The following MAP7 variants were observed in gnomAD, a reference collection of about 807,000 sequenced individuals.
MAP7 encodes ensconsin.
In MAP7, 52 loss-of-function variants were observed where a neutral mutation model predicts 94.8. The ratio of observed to expected loss-of-function variants is 0.55; its 90% CI spans 0.44 to 0.69. The LOEUF (loss-of-function observed/expected upper bound fraction) is 0.69, where lower values mean the gene tolerates loss of function less well. Among genes scored for constraint, MAP7 ranks in the 30% least tolerant of loss-of-function variants. The probability of loss-of-function intolerance (pLI) is 0.00; values close to 1 mark genes in which losing one functional copy is unlikely to be tolerated. For synonymous variants in MAP7, 350 were observed against 357.0 expected (o/e 0.98, Z 0.22); for missense variants, 940 against 964.6 (o/e 0.97, Z 0.34).
intron 1 of MAP7, among the ~76,000 whole-genome samples, chr6:136,447,791 AC>A (rs1484462654): frequency 6.6e-6 from 1 of 152,226 alleles, no homozygotes; most frequent in Non-Finnish European, 1.5e-5. Flanking sequence ...CTTTCACATG[AC>A]ATTGTGCTGC....
intron 1 of MAP7, among the ~76,000 whole-genome samples, chr6:136,427,791 T>A (rs1441082731): frequency 6.6e-6 from 1 of 152,226 alleles, no homozygotes; most frequent in African/African-American, 2.4e-5. Flanking sequence ...GTGGCTATGG[T>A]AGACTTCAGC....
At chr6:136,387,798 C>T (rs531263085) in intron 5 of MAP7, among the ~76,000 whole-genome samples, 1 of 152,054 alleles carries the variant, frequency 6.6e-6, no homozygotes, top group Non-Finnish European at 1.5e-5. Context: ...AAAACTGACA[C>T]ACTATGTAAA....
At chr6:136,447,962 C>A (rs750204151) in intron 1 of MAP7, among the ~76,000 whole-genome samples, 1 of 152,102 alleles carries the variant, frequency 6.6e-6, no homozygotes, top group African/African-American at 2.4e-5. Context: ...GAGGCTGAGG[C>A]GGGCAGATCA....
At chr6:136,437,054 G>GC (rs1358026591) in intron 1 of MAP7, among the ~76,000 whole-genome samples, 2 of 152,162 alleles carry the variant, frequency 1.3e-5, no homozygotes, top group Non-Finnish European at 2.9e-5. Context: ...GGCATCATCG[G>GC]CCACCTTCAC....
chr6:136,482,961 C>T (rs1813373119), intron 1 of MAP7, among the ~76,000 whole-genome samples: 1 of 151,942 alleles, frequency 6.6e-6, no homozygotes, highest in Non-Finnish European at 1.5e-5. Flanking sequence ...TCTATTTGAT[C>T]AGGTTTTTTC....
At chr6:136,434,306 C>CAAAA (rs59002856) in intron 1 of MAP7, among the ~76,000 whole-genome samples, 3 of 59,720 alleles carry the variant, frequency 5.0e-5, no homozygotes, top group Admixed American at 1.7e-4. Flanking sequence ...GACTCCGTCT[C>CAAAA]AAAAAAAAAA....
intron 1 of MAP7, among the ~76,000 whole-genome samples, chr6:136,494,463 A>C (rs1214470033): frequency 1.3e-5 from 2 of 152,212 alleles, no homozygotes; most frequent in Non-Finnish European, 2.9e-5. Flanking sequence ...AGATAGAAAT[A>C]CTTGTGCAGA....
chr6:136,405,053 C>T (rs184104199), intron 3 of MAP7, among the ~76,000 whole-genome samples: 3 of 152,276 alleles, frequency 2.0e-5, no homozygotes, highest in Admixed American at 2.0e-4. Context: ...ACCTGTTTGA[C>T]TGAACTATCA....
intron 2 of MAP7, among the ~76,000 whole-genome samples, chr6:136,416,849 C>T (rs1008315843): frequency 2.6e-5 from 4 of 151,954 alleles, no homozygotes; most frequent in Admixed American, 6.6e-5. Flanking sequence ...CAGTGGCTCA[C>T]TCCTGTAATC....
At chr6:136,346,800 G>A (rs1413563466) in intron 16 of MAP7, among the ~76,000 whole-genome samples, 1 of 152,126 alleles carries the variant, frequency 6.6e-6, no homozygotes, top group Non-Finnish European at 1.5e-5. Flanking sequence ...TAAATGATTT[G>A]CACAAAGTCA....
chr6:136,361,033 C>A lies in MAP7; in HGVS notation c.1673G>T (p.Arg558Leu). 1 of 1,578,844 alleles carries A rather than the reference C, an allele frequency of 6.3e-7. No homozygotes were observed. The highest frequency in any genetic ancestry group is 8.6e-7 in the Non-Finnish European group (1 of 1,168,672). Reference sequence around the variant, plus strand: ...CCTCTGGGCGCGCTCTGCCTCCTCCCGCTCGCGCAGCGCCCGCTCCTCCGC... The same window carrying A: ...CCTCTGGGCGCGCTCTGCCTCCTCCAGCTCGCGCAGCGCCCGCTCCTCCGC... The part of the protein sequence containing the change: ...RQAEERALRE[R>L]EEAERAQRQK... Residue 558 changes from arginine (R) to leucine (L), a missense_variant, in exon 12 of 18, where the codon CGG (arginine) becomes CTG (leucine). Physicochemically the swap from Arg to Leu is moderately radical, Grantham distance 102 (BLOSUM62 -2). Coordinates refer to ENST00000354570, the MANE Select transcript of MAP7 (RefSeq NM_003980.6).
At chr6:136,466,842 T>C in intron 1 of MAP7, 16 of 1,533,114 alleles carry the variant, frequency 1.0e-5, no homozygotes, top group Non-Finnish European at 1.4e-5. Context: ...CTCTTCTTGC[T>C]TTGTGTCCCT....
intron 16 of MAP7, among the ~76,000 whole-genome samples, chr6:136,356,070 C>T (rs1285760833): frequency 6.6e-6 from 1 of 152,192 alleles, no homozygotes; most frequent in African/African-American, 2.4e-5. Flanking sequence ...TAATATTATG[C>T]ATGGCTAAAA....
At position 136,496,982 on chromosome 6, in the gene MAP7, G is replaced by A. The variant is rs143688305; in HGVS notation, c.67+53360C>T. Among the ~76,000 whole-genome samples the A allele has an allele frequency of 1.4e-3, 218 of 151,582 alleles. 4 individuals are homozygous for A. Among genetic ancestry groups the A allele is most frequent in the African/African-American group, 4.9e-3 (204 of 41,280 alleles). ...AAAAAAAATAAATGAATAAAATAAAGCCCATTTGATCCATAACCTAACCTA... is the reference window on the plus strand; with the variant it reads ...AAAAAAAATAAATGAATAAAATAAAACCCATTTGATCCATAACCTAACCTA... On this transcript the variant is annotated intron_variant, in intron 1 of 17. Coordinates refer to ENST00000354570, the MANE Select transcript of MAP7 (RefSeq NM_003980.6).
intron 1 of MAP7, among the ~76,000 whole-genome samples, chr6:136,516,591 A>C (rs1048462328): frequency 1.3e-5 from 2 of 152,184 alleles, no homozygotes; most frequent in Non-Finnish European, 2.9e-5. Context: ...CTTCACCAGG[A>C]CACAGATCCG....
At chr6:136,485,590 T>G (rs1814417557) in intron 1 of MAP7, among the ~76,000 whole-genome samples, 1 of 123,980 alleles carries the variant, frequency 8.1e-6, no homozygotes, top group South Asian at 2.5e-4. Context: ...TGAGACGGAG[T>G]CTCGCTCTGT....
intron 1 of MAP7, among the ~76,000 whole-genome samples, chr6:136,456,783 G>T (rs1803120146): frequency 1.4e-5 from 1 of 71,778 alleles, no homozygotes; most frequent in South Asian, 5.7e-4. Flanking sequence ...AGAAGAAGAA[G>T]AAGAAGAAGA....
intron 1 of MAP7, among the ~76,000 whole-genome samples, chr6:136,460,166 T>C (rs1804709305): frequency 6.6e-6 from 1 of 152,292 alleles, no homozygotes; most frequent in South Asian, 2.1e-4. Flanking sequence ...GCAGTAATAG[T>C]CAATGGGGGA....
intron 1 of MAP7, among the ~76,000 whole-genome samples, chr6:136,473,401 A>G (rs999793269): frequency 6.6e-6 from 1 of 152,220 alleles, no homozygotes; most frequent in African/African-American, 2.4e-5. Flanking sequence ...CTGCAATCTC[A>G]AAGTTCAGAC....
Sources: gnomAD v4.1 joint callset for allele counts (sites outside exome capture counted in the v4.1 genomes callset) on GRCh38, gnomAD v4.1.1 for gene constraint, MANE v1.5 for transcripts, NCBI Gene and HGNC (gene_info 2026-07-23, HGNC 2026-07-21) for gene names.